The following OSBPL1A variants were observed in gnomAD, a reference collection of about 807,000 sequenced individuals.
OSBPL1A encodes oxysterol-binding protein-related protein 1.
In OSBPL1A, 80 loss-of-function variants were observed where a neutral mutation model predicts 137.1. That is an observed-to-expected ratio of 0.58 (90% CI 0.49 to 0.70). OSBPL1A has a LOEUF of 0.70. Ranked by LOEUF, OSBPL1A falls within the 30% of genes least tolerant of loss-of-function variation. The pLI, the probability that OSBPL1A is intolerant of heterozygous loss-of-function variation, is 0.00. For synonymous variants in OSBPL1A, 365 were observed against 389.7 expected (o/e 0.94, Z 0.75); for missense variants, 970 against 1,129.4 (o/e 0.86, Z 2.02).
intron 15 of OSBPL1A, 26 bp from the exon 16 acceptor site, chr18:24,239,408 A>T (rs2088610239): frequency 6.2e-7 from 1 of 1,601,850 alleles, no homozygotes; most frequent in Non-Finnish European, 8.5e-7. Context: ...TATACAGAAA[A>T]GACTTCAGAG....
At position 24,250,564 on chromosome 18, in the gene OSBPL1A, T is replaced by A. The variant is rs1223564798; in HGVS notation, c.1282-11182A>T. On this transcript the variant is annotated intron_variant, in intron 15 of 27. Coordinates refer to ENST00000319481, the MANE Select transcript of OSBPL1A (RefSeq NM_080597.4). ...CCCAGTCCTGGCAGCATTTATCACC[T>A]GCTAACTGAAGAGCCTTTGGGCCCT... 2.6e-5 allele frequency among the ~76,000 whole-genome samples: 4 copies of A among 152,274 alleles called. No individual in the cohort carries two copies. The East Asian group carries it at 7.7e-4, about 29-fold the overall frequency.
rs150727226 is a variant in OSBPL1A, at chr18:24,220,921, C to T, written c.1601+4121G>A. On this transcript the variant is annotated intron_variant, in intron 17 of 27. Coordinates refer to ENST00000319481, the MANE Select transcript of OSBPL1A (RefSeq NM_080597.4). ...TCAGCCTCCTAAGCAGCTGGGACTACAGGCGTGTGCCACCACGCTCAGCTA... is the reference window on the plus strand; with the variant it reads ...TCAGCCTCCTAAGCAGCTGGGACTATAGGCGTGTGCCACCACGCTCAGCTA... 8.6e-3 allele frequency among the ~76,000 whole-genome samples: 1,307 copies of T among 152,114 alleles called. 21 individuals carry two copies. The highest frequency in any genetic ancestry group is 0.03 in the African/African-American group (1,258 of 41,504).
chr18:24,166,447 A>AAATTG, intron 26 of OSBPL1A, 132 bp downstream of exon 26: 1 of 1,117,700 alleles, frequency 8.9e-7, no homozygotes, highest in Non-Finnish European at 1.2e-6. Flanking sequence ...ATTGAATGTT[A>AAATTG]ACTCAAACTT....
At chr18:24,214,176 T>C (rs111374118) in intron 17 of OSBPL1A, among the ~76,000 whole-genome samples, 20 of 152,344 alleles carry the variant, frequency 1.3e-4, no homozygotes, top group African/African-American at 4.3e-4. Flanking sequence ...CAACAGGTGC[T>C]GGAACAGACG....
At chr18:24,273,590 C>A (rs138390169) in intron 15 of OSBPL1A, among the ~76,000 whole-genome samples, 1 of 152,288 alleles carries the variant, frequency 6.6e-6, no homozygotes, top group African/African-American at 2.4e-5. Context: ...ATCCCAAAGC[C>A]TGAATTTTTT....
chr18:24,377,682 G>A lies in OSBPL1A; in HGVS notation c.-2-147C>T, dbSNP rs186463082. On this transcript the variant is annotated intron_variant, in intron 1 of 27. Coordinates refer to ENST00000319481, the MANE Select transcript of OSBPL1A (RefSeq NM_080597.4). ...ACTGAATAAATCCGTTGCAGGGTGA[G>A]AACTTGAGCCTGAGACCCCTTGCCC... The A allele has an allele frequency of 8.6e-5, 71 of 828,086 alleles. No homozygotes were observed. The African/African-American group carries it at 1.1e-3, about 13-fold the overall frequency. 51.3% of individuals were successfully genotyped at this position (828,086 alleles called of 1,614,324 possible). A position where few individuals can be genotyped will look rare whatever the true frequency, so the allele number is the denominator to read the frequency against.
At chr18:24,329,208 T>G (rs1417123834) in intron 7 of OSBPL1A, among the ~76,000 whole-genome samples, 3 of 152,114 alleles carry the variant, frequency 2.0e-5, no homozygotes, top group African/African-American at 7.2e-5. Flanking sequence ...ATCACACCAC[T>G]GCACTCCAGC....
chr18:24,296,568 C>T lies in OSBPL1A; in HGVS notation c.1174+7069G>A, dbSNP rs561524477. On this transcript the variant is annotated intron_variant, in intron 14 of 27. Coordinates refer to ENST00000319481, the MANE Select transcript of OSBPL1A (RefSeq NM_080597.4). ...AATAGGAAGTGGTAAAAGTGGGCAT[C>T]CTTTTCTTATTTCAGTTCTTAGAGG... is the stretch of plus-strand genomic sequence containing the variant. 7.2e-5 allele frequency among the ~76,000 whole-genome samples: 11 copies of T among 152,228 alleles called. 1 individual carries two copies. The South Asian group carries it at 2.3e-3, about 32-fold the overall frequency.
chr18:24,376,172 C>T (rs1367112509), intron 2 of OSBPL1A, among the ~76,000 whole-genome samples: 1 of 152,140 alleles, frequency 6.6e-6, no homozygotes, highest in Non-Finnish European at 1.5e-5. Flanking sequence ...CTTGTCTGGC[C>T]CCACCCACAT....
At position 24,324,549 on chromosome 18, in the gene OSBPL1A, G is replaced by A. The variant is rs1050131900; in HGVS notation, c.626-5740C>T. On this transcript the variant is annotated intron_variant, in intron 7 of 27. Transcript: ENST00000319481. ...ATTCCCTCACCCATAGATAACTCAC[G>A]TGTATACATTGGTGCGTATTTCCAG... Among the ~76,000 whole-genome samples the A allele has an allele frequency of 5.0e-4, 28 of 55,592 alleles. 6 individuals carry two copies. The highest frequency in any genetic ancestry group is 2.7e-3 in the African/African-American group (26 of 9,604). The allele number at this position is 55,592 out of a possible 152,430, so 36.5% of individuals were successfully genotyped here.
At chr18:24,186,375 T>C (rs553633047) in intron 18 of OSBPL1A, among the ~76,000 whole-genome samples, 24 of 152,306 alleles carry the variant, frequency 1.6e-4, no homozygotes, top group Admixed American at 2.6e-4. Context: ...AATATTCACC[T>C]TAAAATCTGA....
chr18:24,172,652 T>G (rs80187020), intron 21 of OSBPL1A, among the ~76,000 whole-genome samples, 169 bp from the exon 22 acceptor site: 1 of 152,172 alleles, frequency 6.6e-6, no homozygotes, highest in African/African-American at 2.4e-5. Flanking sequence ...AAAATTGGGA[T>G]CATTTGCCCA....
At chr18:24,186,720 A>G (rs2086755128) in intron 18 of OSBPL1A, among the ~76,000 whole-genome samples, 1 of 152,064 alleles carries the variant, frequency 6.6e-6, no homozygotes, top group Non-Finnish European at 1.5e-5. Flanking sequence ...CCTGGCCAAC[A>G]TGGTGAAACC....
intron 17 of OSBPL1A, among the ~76,000 whole-genome samples, chr18:24,204,850 C>T (rs1405800407): frequency 1.3e-5 from 2 of 152,110 alleles, no homozygotes; most frequent in African/African-American, 4.8e-5. Flanking sequence ...TTTTATTTAG[C>T]TTCATTCCAG....
At chr18:24,175,100 ATGTG>A (rs36098607) in intron 21 of OSBPL1A, among the ~76,000 whole-genome samples, 9 of 59,528 alleles carry the variant, frequency 1.5e-4, no homozygotes, top group East Asian at 5.6e-4. Context: ...CTTATTTGCC[ATGTG>A]TATGTATATA....
chr18:24,298,431 C>CT (rs1271628510), intron 14 of OSBPL1A, among the ~76,000 whole-genome samples: 1 of 152,254 alleles, frequency 6.6e-6, no homozygotes, highest in Non-Finnish European at 1.5e-5. Context: ...ACTGCAACCT[C>CT]TACCCCCCGG....
chr18:24,338,366 C>T (rs2091215831), intron 5 of OSBPL1A, among the ~76,000 whole-genome samples: 1 of 152,072 alleles, frequency 6.6e-6, no homozygotes, highest in South Asian at 2.1e-4. Flanking sequence ...AGGCATGAGC[C>T]ACCGTGCCCG....
intron 4 of OSBPL1A, among the ~76,000 whole-genome samples, chr18:24,363,447 C>CT (rs575394950): frequency 0.061 from 7,978 of 130,954 alleles, 366 homozygotes; most frequent in African/African-American, 0.1. Context: ...TCTTTTTTTC[C>CT]TTTTTTTTTT....
At chr18:24,185,074 G>A (rs536913820) in intron 18 of OSBPL1A, among the ~76,000 whole-genome samples, 37 of 152,308 alleles carry the variant, frequency 2.4e-4, no homozygotes, top group Non-Finnish European at 4.6e-4. Context: ...AAAAAAAGTC[G>A]ATATGATTCC....
Sources: gnomAD v4.1 joint callset for allele counts (sites outside exome capture counted in the v4.1 genomes callset) on GRCh38, gnomAD v4.1.1 for gene constraint, MANE v1.5 for transcripts, NCBI Gene and HGNC (gene_info 2026-07-23, HGNC 2026-07-21) for gene names.